EXOC6B: variants seen among roughly 807,000 people sequenced by gnomAD.
EXOC6B encodes the protein SEC15 homolog B.
EXOC6B carries 54 observed loss-of-function variants against 113.5 expected under a neutral mutation model. The observed-to-expected ratio is 0.48, with a 90% CI of 0.38 to 0.60. The LOEUF is 0.60. Among genes scored for constraint, EXOC6B ranks in the 20% least tolerant of loss-of-function variants. The pLI is 0.00. For synonymous variants in EXOC6B, 357 were observed against 339.0 expected, an observed-to-expected ratio of 1.05 and a Z score of -0.58; for missense variants, 797 against 977.5, an observed-to-expected ratio of 0.82 and a Z score of 2.46.
At chr2:72,767,922 C>T (rs1217994595) in intron 1 of EXOC6B, among the ~76,000 whole-genome samples, 1 of 148,990 alleles carries the variant, frequency 6.7e-6, no homozygotes, top group Non-Finnish European at 1.5e-5. Flanking sequence ...TCAAGACCAG[C>T]CTGGACAATA....
chr2:72,495,467 A>C lies in EXOC6B; in HGVS notation c.1516T>G (p.Tyr506Asp). 1 of 1,606,608 alleles carries C rather than the reference A, an allele frequency of 6.2e-7. No individual in the cohort carries two copies. Among genetic ancestry groups the C allele is most frequent in the Non-Finnish European group, 8.5e-7 (1 of 1,175,588 alleles). ...KVYNQIKEFIYACLKFSEDLH... is the reference protein window; with the variant it reads ...KVYNQIKEFIDACLKFSEDLH... Reference sequence around the variant, plus strand: ...TCTTCTGAAAACTTCAGACAAGCGTAGATAAATTCTTTAATTTGGTTGTAA... The same window carrying C: ...TCTTCTGAAAACTTCAGACAAGCGTCGATAAATTCTTTAATTTGGTTGTAA... The change falls in exon 15 of 22, where the codon TAC becomes GAC. Residue 506 changes from tyrosine to aspartate, a missense_variant. Transcript: ENST00000272427.
chr2:72,319,698 A>G (rs1687737483), intron 20 of EXOC6B, among the ~76,000 whole-genome samples: 1 of 152,268 alleles, frequency 6.6e-6, no homozygotes, highest in Non-Finnish European at 1.5e-5. Context: ...GATTTGCTGA[A>G]AACTACAAAG....
At chr2:72,613,662 T>C (rs1671212951) in intron 6 of EXOC6B, among the ~76,000 whole-genome samples, 1 of 151,956 alleles carries the variant, frequency 6.6e-6, no homozygotes, top group African/African-American at 2.4e-5. Flanking sequence ...AACATATATA[T>C]TGAAATCTTC....
intron 16 of EXOC6B, among the ~76,000 whole-genome samples, chr2:72,491,138 TA>T (rs1184232592): frequency 1.3e-5 from 2 of 152,166 alleles, no homozygotes; most frequent in Non-Finnish European, 2.9e-5. Flanking sequence ...TTCAGATACA[TA>T]AAGGCAAATG....
At chr2:72,446,459 C>A (rs1022454304) in intron 18 of EXOC6B, among the ~76,000 whole-genome samples, 1 of 151,902 alleles carries the variant, frequency 6.6e-6, no homozygotes, top group Non-Finnish European at 1.5e-5. Flanking sequence ...AAAAGAATAT[C>A]ATGTCTTTTA....
chr2:72,408,696 A>G (rs1021678029), intron 18 of EXOC6B, among the ~76,000 whole-genome samples: 6 of 152,204 alleles, frequency 3.9e-5, no homozygotes, highest in African/African-American at 1.4e-4. Context: ...CCTTCCTTAC[A>G]CCTTATACAA....
chr2:72,419,013 A>T (rs886733469), intron 18 of EXOC6B, among the ~76,000 whole-genome samples: 1 of 152,060 alleles, frequency 6.6e-6, no homozygotes, highest in Non-Finnish European at 1.5e-5. Context: ...AATATAGGTT[A>T]TGTTTAACAT....
intron 19 of EXOC6B, among the ~76,000 whole-genome samples, chr2:72,353,627 C>A (rs921795468): frequency 1.3e-5 from 2 of 151,944 alleles, no homozygotes; most frequent in African/African-American, 4.8e-5. Flanking sequence ...GACCGCCTCA[C>A]CCTCCCAGAG....
rs372960101 is a variant in EXOC6B, at chr2:72,305,882, C to T, written c.2196+29065G>A. The stretch of plus-strand genomic sequence containing the variant: ...CTAGCTAATTAGATTCAAGTTATCC[C>T]GAGAAACCAGTGAAATAAAAGGGTT... On this transcript the variant is annotated intron_variant, in intron 20 of 21. Transcript: ENST00000272427. Among the ~76,000 whole-genome samples, 19 of 152,196 alleles carry T rather than the reference C, an allele frequency of 1.2e-4. 1 individual carries two copies. The South Asian group carries it at 3.1e-3, about 25-fold the overall frequency.
rs145972479 is a variant in EXOC6B at position 72,696,002 on chromosome 2, G to T, written c.669+22101C>A. Among the ~76,000 whole-genome samples, 899 of 151,910 alleles carry T rather than the reference G, an allele frequency of 5.9e-3. 8 individuals carry two copies. Among genetic ancestry groups the T allele is most frequent in the Non-Finnish European group, 0.011 (734 of 67,976 alleles). On this transcript the variant is annotated intron_variant, in intron 6 of 21. Transcript: ENST00000272427. ...AAGGTTATCCAAAAACAATCTACTG[G>T]TGTATATATATATAATTTTCATCTT... is the stretch of plus-strand genomic sequence containing the variant.
Position 72,536,074 on chromosome 2 carries a change from T to C in EXOC6B, c.916-20948A>G, listed in dbSNP as rs185784667. Among the ~76,000 whole-genome samples, 26 of 152,220 alleles carry C rather than the reference T, an allele frequency of 1.7e-4. No individual in the cohort carries two copies. In the East Asian group the frequency reaches 3.9e-3, roughly 23 times the overall value. ...TTAACTTTTTATAGGGAGTCACATA[T>C]AAAGGATTGATTTTAAAATGTTCCC... On this transcript the variant is annotated intron_variant, in intron 8 of 21. Transcript: ENST00000272427.
chr2:72,707,219 G>A (rs1246693724), intron 6 of EXOC6B, among the ~76,000 whole-genome samples: 1 of 152,078 alleles, frequency 6.6e-6, no homozygotes, highest in Non-Finnish European at 1.5e-5. Context: ...TTGTAATGCA[G>A]AAATAGTAAC....
intron 1 of EXOC6B, among the ~76,000 whole-genome samples, chr2:72,783,022 C>A (rs925491919): frequency 2.0e-5 from 3 of 152,226 alleles, no homozygotes; most frequent in Admixed American, 2.0e-4. Flanking sequence ...GGCTTCTTTT[C>A]CTTCCAATAA....
intron 6 of EXOC6B, among the ~76,000 whole-genome samples, chr2:72,579,971 A>G (rs1705110290): frequency 6.6e-6 from 1 of 151,782 alleles, no homozygotes; most frequent in Admixed American, 6.6e-5. Context: ...ATCCTTATCT[A>G]TATATATAAA....
intron 6 of EXOC6B, among the ~76,000 whole-genome samples, chr2:72,593,395 G>C (rs887679939): frequency 3.3e-5 from 5 of 152,012 alleles, no homozygotes; most frequent in African/African-American, 1.2e-4. Context: ...CAGTATTGTA[G>C]GACTGAGTCC....
At chr2:72,468,723 C>T (rs939940272) in intron 17 of EXOC6B, among the ~76,000 whole-genome samples, 4 of 152,140 alleles carry the variant, frequency 2.6e-5, no homozygotes, top group Non-Finnish European at 5.9e-5. Context: ...ATGTAGATCA[C>T]TTTGGGTAAT....
At chr2:72,671,389 C>T (rs1675782680) in intron 6 of EXOC6B, among the ~76,000 whole-genome samples, 1 of 152,044 alleles carries the variant, frequency 6.6e-6, no homozygotes, top group African/African-American at 2.4e-5. Flanking sequence ...TACAAATGGA[C>T]ATTGGGTATA....
At chr2:72,488,241 C>T (rs1573237197) in intron 16 of EXOC6B, among the ~76,000 whole-genome samples, 1 of 151,980 alleles carries the variant, frequency 6.6e-6, no homozygotes, top group East Asian at 1.9e-4. Flanking sequence ...TCCTACTTCC[C>T]TGGTGGCTCC....
Position 72,774,166 on chromosome 2 carries a change from T to C in EXOC6B, c.114-32697A>G, listed in dbSNP as rs148059059. Among the ~76,000 whole-genome samples the C allele has an allele frequency of 7.2e-4, 110 of 152,334 alleles. 1 individual carries two copies. In the East Asian group the frequency reaches 0.015, roughly 21 times the overall value. Reference sequence around the variant, plus strand: ...TAGTATCAAAAAACACATTCATTAATATTATCACCCAGTCTTACAAGAAAT... The same window carrying C: ...TAGTATCAAAAAACACATTCATTAACATTATCACCCAGTCTTACAAGAAAT... On this transcript the variant is annotated intron_variant, in intron 1 of 21. Transcript: ENST00000272427.
Sources: gnomAD v4.1 joint callset for allele counts (sites outside exome capture counted in the v4.1 genomes callset) on GRCh38, gnomAD v4.1.1 for gene constraint, MANE v1.5 for transcripts, NCBI Gene and HGNC (gene_info 2026-07-23, HGNC 2026-07-21) for gene names.